Variants in TLX1 observed in about 807,000 individuals in gnomAD.
TLX1 encodes the protein T-cell leukemia homeobox protein 1.
In TLX1, 6 loss-of-function variants were observed where a neutral mutation model predicts 26.5. The observed-to-expected ratio is 0.23, with a 90% CI of 0.12 to 0.45. TLX1 has a LOEUF of 0.45. Among genes scored for constraint, TLX1 ranks in the 20% least tolerant of loss-of-function variants. The pLI is 0.99. For missense variants in TLX1, 418 were observed against 482.6 expected (o/e 0.87, Z 1.25); for synonymous variants, 217 against 219.7 (o/e 0.99, Z 0.11).
In TLX1 at chr10:101,137,787, G is replaced by A. The variant is rs1254676920; in HGVS notation, c.*874G>A. 2.9e-5 allele frequency: 6 copies of A among 209,808 alleles called. 1 individual carries two copies. Among genetic ancestry groups the A allele is most frequent in the East Asian group, 7.2e-5 (1 of 13,944 alleles). 13.0% of individuals were successfully genotyped at this position (209,808 alleles called of 1,614,324 possible). ...AAAATAAATAAAAGCCTCCGGATCC[G>A]GAGTCAGGGCTGCCTGCTCCTTGCG... is the stretch of plus-strand genomic sequence containing the variant. On this transcript the variant is annotated 3_prime_UTR_variant, in exon 3 of 3. Coordinates refer to ENST00000370196, the MANE Select transcript of TLX1 (RefSeq NM_005521.4).
chr10:101,136,700 T>A lies in TLX1; in HGVS notation c.780T>A (p.Thr260=). The change falls in exon 3 of 3, where the codon ACT becomes ACA. Residue 260 remains threonine, a synonymous_variant. Transcript: ENST00000370196. ...QNRRTKWRRQ[T]AEEREAERQQ... is the part of the protein sequence containing the mutation. ...CTTGTTCCCGGTGCAGACGGCAGACTGCGGAGGAACGGGAGGCCGAGAGGC... is the reference window on the plus strand; with the variant it reads ...CTTGTTCCCGGTGCAGACGGCAGACAGCGGAGGAACGGGAGGCCGAGAGGC... 6.2e-7 allele frequency: 1 copy of A among 1,612,528 alleles called. No individual in the cohort carries two copies. The highest frequency in any genetic ancestry group is 8.5e-7 in the Non-Finnish European group (1 of 1,179,938).
At chr10:101,134,692 A>G (rs1940251920) in intron 2 of TLX1, among the ~76,000 whole-genome samples, 1 of 152,232 alleles carries the variant, frequency 6.6e-6, no homozygotes. Flanking sequence ...CACGCAGTCC[A>G]GGCTCCAGGG....
At chr10:101,134,040 G>A (rs2134304660) in intron 1 of TLX1, 135 bp from the exon 2 acceptor site, 1 of 807,148 alleles carries the variant, frequency 1.2e-6, no homozygotes, top group Admixed American at 2.9e-5. Context: ...GCTCGTGGGG[G>A]TTCAGCTGCT....
At chr10:101,134,034 G>A (rs1265435275) in intron 1 of TLX1, 141 bp from the exon 2 acceptor site, 16 of 765,460 alleles carry the variant, frequency 2.1e-5, no homozygotes, top group Non-Finnish European at 4.1e-6. Flanking sequence ...GGCCCTGCTC[G>A]TGGGGGTTCA....
rs1299947221 is a variant in TLX1, at chr10:101,136,808, G to C, written c.888G>C (p.Leu296=). Residue 296 remains leucine (L), a synonymous_variant, in exon 3 of 3, where the codon CTG becomes CTC. Coordinates refer to ENST00000370196, the MANE Select transcript of TLX1 (RefSeq NM_005521.4). ...CACAGCCGCTGCCCGCTGACCCTCT[G>C]TGCGTGCACAACTCGTCGCTCTTCG... ...SLAQPLPADP[L]CVHNSSLFAL... is the part of the protein sequence containing the mutation. 6.2e-7 allele frequency: 1 copy of C among 1,613,672 alleles called. No individual in the cohort carries two copies. The highest frequency in any genetic ancestry group is 1.3e-5 in the African/African-American group (1 of 75,072).
Position 101,131,768 on chromosome 10 carries a change from C to G in TLX1, c.227C>G (p.Thr76Ser). Residue 76 changes from threonine to serine, a missense_variant, in exon 1 of 3, where the codon ACT becomes AGT. By Grantham distance (58) the Thr-to-Ser change is moderately conservative. Around this residue, in one of 3 missense-constraint regions of TLX1, gnomAD observed 322 missense variants for 344.6 expected, o/e 0.93. Coordinates refer to ENST00000370196, the MANE Select transcript of TLX1 (RefSeq NM_005521.4). ...TGAGGAGAYG[T>S]GGPGGPGGPA... ...GCTGGAGGAGCGGGGGCCTATGGTA[C>G]TGGAGGTCCCGGCGGCCCCGGAGGC... is the stretch of plus-strand genomic sequence containing the variant. The G allele has an allele frequency of 7.2e-7, 1 of 1,396,018 alleles. No individual in the cohort carries two copies. The highest frequency in any genetic ancestry group is 1.7e-5 in the South Asian group (1 of 58,974). The allele number at this position is 1,396,018 out of a possible 1,614,324, so 86.5% of individuals were successfully genotyped here. A position where few individuals can be genotyped will look rare whatever the true frequency, so the allele number is the denominator to read the frequency against.
Position 101,134,021 on chromosome 10 carries a change from C to T in TLX1, c.569-154C>T, listed in dbSNP as rs1940234541. On this transcript the variant is annotated intron_variant, in intron 1 of 2. Transcript: ENST00000370196. ...TGTCGCTGAGGGCTAACGGGAGGAT[C>T]TCGGCCCTGCTCGTGGGGGTTCAGC... is the stretch of plus-strand genomic sequence containing the variant. 1.3e-5 allele frequency: 9 copies of T among 686,410 alleles called. No homozygotes were observed. In the Admixed American group the frequency reaches 2.4e-4, roughly 19 times the overall value. The allele number at this position is 686,410 out of a possible 1,614,324, so 42.5% of individuals were successfully genotyped here.
chr10:101,134,519 C>A, intron 2 of TLX1, 143 bp downstream of exon 2: 1 of 993,346 alleles, frequency 1.0e-6, no homozygotes, highest in Non-Finnish European at 1.4e-6. Flanking sequence ...GCTAGGCTTG[C>A]GGGGAGCTGG....
Position 101,137,129 on chromosome 10 carries a change from C to T in TLX1, c.*216C>T, listed in dbSNP as rs1017989956. The T allele has an allele frequency of 1.0e-5, 6 of 602,358 alleles. No homozygotes were observed. Among genetic ancestry groups the T allele is most frequent in the Middle Eastern group, 4.4e-4 (1 of 2,272 alleles). The allele number at this position is 602,358 out of a possible 1,614,324, so 37.3% of individuals were successfully genotyped here. A position where few individuals can be genotyped will look rare whatever the true frequency, so the allele number is the denominator to read the frequency against. ...AGGACACGCGCCCCCCTCCCAGAGG[C>T]GTCCCGCACCTGTCTGAACTGTTAA... On this transcript the variant is annotated 3_prime_UTR_variant, in exon 3 of 3. Transcript: ENST00000370196.
At chr10:101,134,735 C>T (rs568879339) in intron 2 of TLX1, among the ~76,000 whole-genome samples, 2 of 152,342 alleles carry the variant, frequency 1.3e-5, no homozygotes, top group East Asian at 3.9e-4. Context: ...TTTGTTTGCG[C>T]AAACTCTTGC....
In TLX1 at chr10:101,131,397, T is replaced by G; in HGVS notation, c.-145T>G. 8 of 479,592 alleles carry G rather than the reference T, an allele frequency of 1.7e-5. No homozygotes were observed. Among genetic ancestry groups the G allele is most frequent in the East Asian group, 3.6e-5 (1 of 28,028 alleles). 29.7% of individuals were successfully genotyped at this position (479,592 alleles called of 1,614,324 possible). ...GCCCCCTCTCTCCCTCCCCTCCCCCTTCTACTTTAGCCTTTCTGCGCACTT... is the reference window on the plus strand; with the variant it reads ...GCCCCCTCTCTCCCTCCCCTCCCCCGTCTACTTTAGCCTTTCTGCGCACTT... On this transcript the variant is annotated 5_prime_UTR_variant, in exon 1 of 3. Coordinates refer to ENST00000370196, the MANE Select transcript of TLX1 (RefSeq NM_005521.4).
Position 101,131,875 on chromosome 10 carries a change from G to C in TLX1, c.334G>C (p.Gly112Arg), listed in dbSNP as rs1181376167. The change falls in exon 1 of 3, where the codon GGT becomes CGT. Residue 112 changes from glycine to arginine, a missense_variant. By Grantham distance (125) the Gly-to-Arg change is moderately radical. This residue lies in a region of TLX1 where 322 missense variants were observed against 344.6 expected (regional missense o/e 0.93). Transcript: ENST00000370196. ...GAACATGGCCTTGGCAGGCGGCCCCGGTCCTGGCGGCGGCGGCGGCAGCAG... is the reference window on the plus strand; with the variant it reads ...GAACATGGCCTTGGCAGGCGGCCCCCGTCCTGGCGGCGGCGGCGGCAGCAG... ...NVNMALAGGP[G>R]PGGGGGSSGG... 3.6e-6 allele frequency: 5 copies of C among 1,402,400 alleles called. No homozygotes were observed. The highest frequency in any genetic ancestry group is 4.6e-6 in the Non-Finnish European group (5 of 1,085,520). 86.9% of individuals were successfully genotyped at this position (1,402,400 alleles called of 1,614,324 possible).
Position 101,136,674 on chromosome 10 carries a change from G to A in TLX1, c.771-17G>A. On this transcript the variant is annotated splice_polypyrimidine_tract_variant and intron_variant, in intron 2 of 2. Coordinates refer to ENST00000370196, the MANE Select transcript of TLX1 (RefSeq NM_005521.4). ...GGGTCGGTGCTCCTGGCAGGTAACG[G>A]CTTGTTCCCGGTGCAGACGGCAGAC... 12 of 1,612,284 alleles carry A rather than the reference G, an allele frequency of 7.4e-6. No homozygotes were observed. Among genetic ancestry groups the A allele is most frequent in the Non-Finnish European group, 1.0e-5 (12 of 1,179,890 alleles).
At chr10:101,136,091 G>A (rs917650431) in intron 2 of TLX1, among the ~76,000 whole-genome samples, 32 of 152,192 alleles carry the variant, frequency 2.1e-4, no homozygotes, top group African/African-American at 7.5e-4. Flanking sequence ...GTGGAGGGGC[G>A]GCAGTAAATG....
chr10:101,135,007 G>T (rs571391843), intron 2 of TLX1, among the ~76,000 whole-genome samples: 1 of 152,382 alleles, frequency 6.6e-6, no homozygotes, highest in South Asian at 2.1e-4. Flanking sequence ...GTGAGAAAGA[G>T]AATTTTCCTT....
intron 1 of TLX1, among the ~76,000 whole-genome samples, chr10:101,133,258 C>T (rs1163631141): frequency 4.6e-5 from 7 of 152,272 alleles, no homozygotes; most frequent in Non-Finnish European, 1.5e-5. Context: ...CCCTGGCTTC[C>T]TGCTTCTGTT....
Position 101,131,327 on chromosome 10 carries a change from C to T in TLX1, c.-215C>T, listed in dbSNP as rs564545434. The T allele has an allele frequency of 3.7e-4, 158 of 422,150 alleles. No homozygotes were observed. The highest frequency in any genetic ancestry group is 5.7e-4 in the Non-Finnish European group (139 of 242,860). The allele number at this position is 422,150 out of a possible 1,614,324, so 26.2% of individuals were successfully genotyped here. A position where few individuals can be genotyped will look rare whatever the true frequency, so the allele number is the denominator to read the frequency against. On this transcript the variant is annotated 5_prime_UTR_variant, in exon 1 of 3. Transcript: ENST00000370196. The stretch of plus-strand genomic sequence containing the variant: ...TGTCCCAGAGTCAACAGCGAGCGAG[C>T]AGCCGGAGCGGGGAAGCAGAAGCCA...
At position 101,131,758 on chromosome 10, in the gene TLX1, G is replaced by A. The variant is rs1477627012; in HGVS notation, c.217G>A (p.Ala73Thr). ...CGCGACGGGGGCTGGAGGAGCGGGG[G>A]CCTATGGTACTGGAGGTCCCGGCGG... ...AAATGAGGAG[A>T]YGTGGPGGPG... Residue 73 changes from alanine to threonine, a missense_variant, in exon 1 of 3, where the codon GCC (alanine) becomes ACC (threonine). Around this residue, in one of 3 missense-constraint regions of TLX1, gnomAD observed 322 missense variants for 344.6 expected, o/e 0.93. Transcript: ENST00000370196. 2 of 1,416,046 alleles carry A rather than the reference G, an allele frequency of 1.4e-6. No individual in the cohort carries two copies. The highest frequency in any genetic ancestry group is 1.8e-6 in the Non-Finnish European group (2 of 1,091,702). 87.7% of individuals were successfully genotyped at this position (1,416,046 alleles called of 1,614,324 possible). A position where few individuals can be genotyped will look rare whatever the true frequency, so the allele number is the denominator to read the frequency against.
At position 101,136,934 on chromosome 10, in the gene TLX1, G is replaced by A; in HGVS notation, c.*21G>A. 6 of 1,611,504 alleles carry A rather than the reference G, an allele frequency of 3.7e-6. No individual in the cohort carries two copies. Among genetic ancestry groups the A allele is most frequent in the Non-Finnish European group, 5.1e-6 (6 of 1,178,612 alleles). ...AGTGAGCCTGCCCATTCTGCCCTGT[G>A]GGACCCCAGGCCCACTCAGGGGTCA... On this transcript the variant is annotated 3_prime_UTR_variant, in exon 3 of 3. Coordinates refer to ENST00000370196, the MANE Select transcript of TLX1 (RefSeq NM_005521.4).
Sources: allele counts gnomAD v4.1 joint callset (sites outside exome capture counted in the v4.1 genomes callset), GRCh38; gene constraint gnomAD v4.1.1; regional missense constraint gnomAD v4.1.1; transcripts MANE v1.5; gene names NCBI Gene and HGNC (gene_info 2026-07-23, HGNC 2026-07-21).